RALGAPA2: variants seen among roughly 807,000 people sequenced by gnomAD.
RALGAPA2 encodes the protein Ral GTPase activating protein catalytic subunit alpha 2, also known as ral GTPase-activating protein subunit alpha-2.
RALGAPA2 carries 139 observed loss-of-function variants against 230.4 expected under a neutral mutation model. The ratio of observed to expected loss-of-function variants is 0.60; its 90% CI spans 0.53 to 0.69. The LOEUF (loss-of-function observed/expected upper bound fraction) is 0.69, where lower values mean the gene tolerates loss of function less well. Among genes scored for constraint, RALGAPA2 ranks in the 30% least tolerant of loss-of-function variants. The pLI is 0.00. For missense variants in RALGAPA2, 2,163 were observed against 2,276.0 expected (o/e 0.95, Z 1.01); for synonymous variants, 847 against 837.8 (o/e 1.01, Z -0.19).
At chr20:20,450,819 T>A (rs1377517103) in intron 37 of RALGAPA2, among the ~76,000 whole-genome samples, 1 of 152,264 alleles carries the variant, frequency 6.6e-6, no homozygotes, top group Non-Finnish European at 1.5e-5. Context: ...TCTGGTCCAT[T>A]GGCTGATGAG....
At chr20:20,425,352 A>C (rs1168403494) in intron 37 of RALGAPA2, among the ~76,000 whole-genome samples, 1 of 152,216 alleles carries the variant, frequency 6.6e-6, no homozygotes, top group African/African-American at 2.4e-5. Context: ...TTCTGAAAGC[A>C]ATTTTGGGGA....
intron 3 of RALGAPA2, among the ~76,000 whole-genome samples, chr20:20,664,816 C>T (rs1218888870): frequency 3.3e-5 from 5 of 152,192 alleles, no homozygotes; most frequent in Admixed American, 3.3e-4. Context: ...ATTTAAACTC[C>T]TGCCTCAGCA....
intron 3 of RALGAPA2, among the ~76,000 whole-genome samples, chr20:20,653,975 T>C (rs187493841): frequency 3.9e-5 from 6 of 152,288 alleles, no homozygotes; most frequent in African/African-American, 1.4e-4. Flanking sequence ...TAATCACTAT[T>C]AGTCTCTGGA....
intron 37 of RALGAPA2, among the ~76,000 whole-genome samples, chr20:20,412,717 T>G (rs1177289858): frequency 6.6e-6 from 1 of 152,038 alleles, no homozygotes; most frequent in Non-Finnish European, 1.5e-5. Flanking sequence ...TGTGAGAGAA[T>G]CTACCAAGAG....
chr20:20,571,314 T>C (rs991364604), intron 23 of RALGAPA2, 144 bp downstream of exon 23: 3 of 919,488 alleles, frequency 3.3e-6, no homozygotes, highest in Admixed American at 3.2e-5. Context: ...TGAAAGACCA[T>C]TGTGCTTGCT....
chr20:20,702,084 T>C lies in RALGAPA2; in HGVS notation c.106+10291A>G, dbSNP rs568973721. On this transcript the variant is annotated intron_variant, in intron 1 of 39. Coordinates refer to ENST00000202677, the MANE Select transcript of RALGAPA2 (RefSeq NM_020343.4). ...AGAAAGAAAGAAAAGAAAAGAAGCA[T>C]GGTGCAAAGCCAAAGGCCATTAATA... is the stretch of plus-strand genomic sequence containing the variant. Among the ~76,000 whole-genome samples, 9 of 150,346 alleles carry C rather than the reference T, an allele frequency of 6.0e-5. No homozygotes were observed. In the South Asian group the frequency reaches 8.4e-4, roughly 14 times the overall value.
Position 20,605,252 on chromosome 20 carries a change from G to C in RALGAPA2, c.1961C>G (p.Thr654Ser). 6.2e-7 allele frequency: 1 copy of C among 1,613,840 alleles called. No homozygotes were observed. The change falls in exon 15 of 40, where the codon ACC becomes AGC. Residue 654 changes from threonine (T) to serine (S), a missense_variant. Physicochemically the swap from Thr to Ser is moderately conservative, Grantham distance 58. Coordinates refer to ENST00000202677, the MANE Select transcript of RALGAPA2 (RefSeq NM_020343.4). ...GTTTGTCATCTCAACTCCATAAACG[G>C]TTCTTGCAAGCACTGCTGTCAAGGA... ...MDSLTAVLAR[T>S]VYGVEMTNLP...
intron 37 of RALGAPA2, among the ~76,000 whole-genome samples, chr20:20,468,346 G>A (rs960488616): frequency 6.6e-6 from 1 of 152,084 alleles, no homozygotes; most frequent in Non-Finnish European, 1.5e-5. Flanking sequence ...CCCATCTGGG[G>A]GTATAACTCC....
At chr20:20,439,126 C>A (rs1452826496) in intron 37 of RALGAPA2, among the ~76,000 whole-genome samples, 1 of 152,096 alleles carries the variant, frequency 6.6e-6, no homozygotes, top group East Asian at 1.9e-4. Context: ...GTCACTCTCC[C>A]AATTTATTAC....
At chr20:20,417,805 G>A (rs913151383) in intron 37 of RALGAPA2, among the ~76,000 whole-genome samples, 2 of 152,134 alleles carry the variant, frequency 1.3e-5, no homozygotes, top group African/African-American at 2.4e-5. Context: ...CCTGAAATTC[G>A]TGTCCATTGC....
intron 3 of RALGAPA2, among the ~76,000 whole-genome samples, chr20:20,663,482 C>A (rs1555815729): frequency 6.6e-6 from 1 of 151,970 alleles, no homozygotes; most frequent in Non-Finnish European, 1.5e-5. Context: ...TTTTTTCTTT[C>A]TTATTAAGTC....
intron 14 of RALGAPA2, among the ~76,000 whole-genome samples, chr20:20,610,017 G>A (rs1367927130): frequency 3.9e-5 from 6 of 152,090 alleles, no homozygotes; most frequent in African/African-American, 7.2e-5. Flanking sequence ...TCAAAATTCC[G>A]TTATCTTGTG....
chr20:20,542,139 TG>T (rs764746029), intron 24 of RALGAPA2, among the ~76,000 whole-genome samples: 12 of 152,158 alleles, frequency 7.9e-5, no homozygotes, highest in East Asian at 5.8e-4. Context: ...AGCCAAATCG[TG>T]AGTGAACTCC....
At chr20:20,523,441 T>C (rs1205091980) in intron 30 of RALGAPA2, among the ~76,000 whole-genome samples, 1 of 152,228 alleles carries the variant, frequency 6.6e-6, no homozygotes, top group African/African-American at 2.4e-5. Flanking sequence ...TTAAACCTTT[T>C]TCTTCCTTTG....
intron 36 of RALGAPA2, among the ~76,000 whole-genome samples, chr20:20,482,836 G>A (rs1346529818): frequency 6.6e-6 from 1 of 152,188 alleles, no homozygotes; most frequent in Non-Finnish European, 1.5e-5. Flanking sequence ...ACAGATAAGA[G>A]AAAAGGCTGA....
intron 8 of RALGAPA2, among the ~76,000 whole-genome samples, chr20:20,636,355 T>C (rs1266552400): frequency 1.3e-5 from 2 of 152,220 alleles, no homozygotes; most frequent in African/African-American, 4.8e-5. Flanking sequence ...AACAAATAAC[T>C]TTTAATCTAG....
chr20:20,620,532 C>T lies in RALGAPA2; in HGVS notation c.1332G>A (p.Glu444=). Residue 444 remains glutamate, a synonymous_variant, in exon 11 of 40, where the codon GAG becomes GAA. Transcript: ENST00000202677. The part of the protein sequence containing the change: ...ILQDKPVFME[E]PDRKDVAQED... Reference sequence around the variant, plus strand: ...CTTGGGCAACATCTTTTCTATCTGGCTCCTCCATGAACACAGGTTTGTCCT... The same window carrying T: ...CTTGGGCAACATCTTTTCTATCTGGTTCCTCCATGAACACAGGTTTGTCCT... The T allele has an allele frequency of 1.2e-6, 2 of 1,613,936 alleles. No individual in the cohort carries two copies. Among genetic ancestry groups the T allele is most frequent in the African/African-American group, 1.3e-5 (1 of 75,048 alleles).
intron 10 of RALGAPA2, among the ~76,000 whole-genome samples, chr20:20,624,328 C>CA (rs748683871): frequency 0.08 from 3,833 of 47,988 alleles, 169 homozygotes; most frequent in African/African-American, 0.18. Context: ...ACTCCATCTC[C>CA]AAAAAAAAAA....
intron 23 of RALGAPA2, among the ~76,000 whole-genome samples, chr20:20,556,205 G>T (rs186864651): frequency 6.6e-6 from 1 of 152,230 alleles, no homozygotes; most frequent in Admixed American, 6.5e-5. Flanking sequence ...GAATCAGCTC[G>T]CTCCCTCAGC....
Sources: gnomAD v4.1 joint callset for allele counts (sites outside exome capture counted in the v4.1 genomes callset) on GRCh38, gnomAD v4.1.1 for gene constraint, MANE v1.5 for transcripts, NCBI Gene and HGNC (gene_info 2026-07-23, HGNC 2026-07-21) for gene names.